The following PLB1 variants were observed in gnomAD, a reference collection of about 807,000 sequenced individuals.
The protein encoded by PLB1 is phospholipase B1, also known as phospholipase B1, membrane-associated.
In PLB1, 242 loss-of-function variants were observed where a neutral mutation model predicts 227.4. The ratio of observed to expected loss-of-function variants is 1.06; its 90% CI spans 0.96 to 1.18. The LOEUF (loss-of-function observed/expected upper bound fraction) is 1.18. PLB1 is among the 50% of genes most tolerant of loss of function. The probability of loss-of-function intolerance (pLI) is 0.00; values close to 1 mark genes in which losing one functional copy is unlikely to be tolerated. For synonymous variants in PLB1, 757 were observed against 682.2 expected (o/e 1.11, Z -1.71); for missense variants, 1,858 against 1,816.3 (o/e 1.02, Z -0.42).
chr2:28,640,257 T>G lies in PLB1; in HGVS notation c.4099-670T>G, dbSNP rs191989165. ...ATTCTTCTCAGTGCTGGCCACAGGT[T>G]GGGCCTGGCTGCTGGCTAAAAGGTG... On this transcript the variant is annotated intron_variant, in intron 56 of 57. Coordinates refer to ENST00000327757, the MANE Select transcript of PLB1 (RefSeq NM_153021.5). Among the ~76,000 whole-genome samples, 57 of 152,306 alleles carry G rather than the reference T, an allele frequency of 3.7e-4. No homozygotes were observed. In the East Asian group the frequency reaches 0.011, roughly 29 times the overall value.
rs146149996 is a variant in PLB1, at chr2:28,523,458, C to T, written c.244-1809C>T. On this transcript the variant is annotated intron_variant, in intron 4 of 57. Coordinates refer to ENST00000327757, the MANE Select transcript of PLB1 (RefSeq NM_153021.5). ...GCCTGTGTCTTACTTAGCTTTGCAG[C>T]CCCAGGGTCACAGTATCTGCCATAA... Among the ~76,000 whole-genome samples the T allele has an allele frequency of 7.0e-3, 1,066 of 151,614 alleles. 8 individuals are homozygous for T. The highest frequency in any genetic ancestry group is 0.017 in the Middle Eastern group (5 of 294).
At chr2:28,505,907 A>G (rs1240644764) in intron 1 of PLB1, among the ~76,000 whole-genome samples, 1 of 152,140 alleles carries the variant, frequency 6.6e-6, no homozygotes, top group Non-Finnish European at 1.5e-5. Flanking sequence ...CAATGCCTCC[A>G]TCCCCATCCC....
intron 49 of PLB1, among the ~76,000 whole-genome samples, chr2:28,623,806 A>G (rs1479455567): frequency 6.6e-6 from 1 of 152,250 alleles, no homozygotes; most frequent in Non-Finnish European, 1.5e-5. Flanking sequence ...TCACATGTTA[A>G]AAGGATATAA....
chr2:28,519,810 A>G, intron 4 of PLB1, 47 bp downstream of exon 4: 1 of 1,500,188 alleles, frequency 6.7e-7, no homozygotes, highest in Non-Finnish European at 9.3e-7. Context: ...TTTGGTACTG[A>G]TGATCCTCTG....
rs752037148 is a variant in PLB1, at chr2:28,566,818, G to C, written c.1303G>C (p.Gly435Arg). ...SWSVGGDENIGTVTTLANILR... is the reference protein window; with the variant it reads ...SWSVGGDENIRTVTTLANILR... ...CAGCGTCGGCGGAGATGAGAACATCGGCACCGTTACCACCCTGGCGAGTGA... is the reference window on the plus strand; with the variant it reads ...CAGCGTCGGCGGAGATGAGAACATCCGCACCGTTACCACCCTGGCGAGTGA... The change falls in exon 20 of 58, where the codon GGC becomes CGC. Residue 435 changes from glycine (G) to arginine (R), a missense_variant. Gly to Arg is a moderately radical substitution (Grantham distance 125, BLOSUM62 -2). Coordinates refer to ENST00000327757, the MANE Select transcript of PLB1 (RefSeq NM_153021.5). The C allele has an allele frequency of 4.3e-6, 7 of 1,614,088 alleles. No individual in the cohort carries two copies. Among genetic ancestry groups the C allele is most frequent in the Admixed American group, 1.7e-5 (1 of 60,014 alleles).
intron 9 of PLB1, among the ~76,000 whole-genome samples, chr2:28,537,076 G>T (rs1671786560): frequency 6.6e-6 from 1 of 152,206 alleles, no homozygotes; most frequent in Admixed American, 6.5e-5. Context: ...GCTCACTTAG[G>T]AGAAAACTAG....
At chr2:28,586,143 G>A (rs1022344252) in intron 26 of PLB1, among the ~76,000 whole-genome samples, 1 of 152,172 alleles carries the variant, frequency 6.6e-6, no homozygotes. Context: ...GTTTCAGAGT[G>A]GATCTATCCA....
At chr2:28,503,776 A>G (rs1667356420) in intron 1 of PLB1, among the ~76,000 whole-genome samples, 1 of 152,192 alleles carries the variant, frequency 6.6e-6, no homozygotes, top group Non-Finnish European at 1.5e-5. Flanking sequence ...TAGAAGCCAC[A>G]AAGCCTTCTA....
chr2:28,515,515 G>A (rs1023996305), intron 1 of PLB1, among the ~76,000 whole-genome samples: 14 of 152,266 alleles, frequency 9.2e-5, no homozygotes, highest in South Asian at 4.2e-4. Flanking sequence ...ATCTGGAGGC[G>A]GATTCCAGTC....
chr2:28,529,597 GCCCACCCT>G, intron 7 of PLB1, 123 bp from the exon 8 acceptor site: 1 of 1,031,338 alleles, frequency 9.7e-7, no homozygotes, highest in Non-Finnish European at 1.4e-6. Flanking sequence ...ACAGGTCAAT[GCCCACCCT>G]TCAGAAGCCA....
At chr2:28,622,239 CATAG>C (rs1687144424) in intron 49 of PLB1, among the ~76,000 whole-genome samples, 1 of 152,208 alleles carries the variant, frequency 6.6e-6, no homozygotes, top group African/African-American at 2.4e-5. Context: ...CACCTAATAT[CATAG>C]GGTGTGGGAT....
intron 15 of PLB1, among the ~76,000 whole-genome samples, 159 bp downstream of exon 15, chr2:28,549,090 G>A (rs1210408125): frequency 1.3e-5 from 2 of 152,246 alleles, no homozygotes; most frequent in Middle Eastern, 3.4e-3. Context: ...CAGCCCTAAT[G>A]TTTACAGTTG....
rs367557741 is a variant in PLB1 at position 28,593,758 on chromosome 2, A to G, written c.2321+4A>G. 4.3e-5 allele frequency: 69 copies of G among 1,612,996 alleles called. 1 individual carries two copies. Among genetic ancestry groups the G allele is most frequent in the Non-Finnish European group, 5.6e-5 (66 of 1,179,244 alleles). On this transcript the variant is annotated splice_donor_region_variant and intron_variant, in intron 33 of 57. Coordinates refer to ENST00000327757, the MANE Select transcript of PLB1 (RefSeq NM_153021.5). ...AGTATCGGGGACTGTCATACAGGTA[A>G]TGTTAACCTTTGACCTCTCCCAGCG...
rs746346325 is a variant in PLB1 at position 28,582,071 on chromosome 2, C to T, written c.1570C>T (p.His524Tyr). The T allele has an allele frequency of 1.2e-6, 2 of 1,613,236 alleles. No homozygotes were observed. The highest frequency in any genetic ancestry group is 1.1e-5 in the South Asian group (1 of 91,068). ...GGGACACTTCCTCTTCCTGCAGGTC[C>T]ACTATTCTCCCCAGAACTTCACAGA... ...DLCDFCNDLVHYSPQNFTDNI... is the reference protein window; with the variant it reads ...DLCDFCNDLVYYSPQNFTDNI... The change falls in exon 24 of 58, where the codon CAC (histidine) becomes TAC (tyrosine). Residue 524 changes from histidine (H) to tyrosine (Y), a missense_variant. By Grantham distance (83) the His-to-Tyr change is moderately conservative. Transcript: ENST00000327757.
intron 1 of PLB1, among the ~76,000 whole-genome samples, chr2:28,502,307 A>C: frequency 6.6e-6 from 1 of 152,176 alleles, no homozygotes; most frequent in East Asian, 1.9e-4. Flanking sequence ...ATATTTTCCT[A>C]TTCAGTTAGA....
At chr2:28,518,243 G>A (rs1162535093) in intron 2 of PLB1, among the ~76,000 whole-genome samples, 1 of 152,076 alleles carries the variant, frequency 6.6e-6, no homozygotes, top group Admixed American at 6.6e-5. Context: ...ACTGTTCTGA[G>A]GCATTCTTGC....
chr2:28,611,054 A>G (rs1573418456), intron 43 of PLB1, among the ~76,000 whole-genome samples: 1 of 152,090 alleles, frequency 6.6e-6, no homozygotes, highest in African/African-American at 2.4e-5. Flanking sequence ...AACAAGCCCA[A>G]TAAAACCCAA....
At chr2:28,540,146 C>G (rs1672278130) in intron 11 of PLB1, among the ~76,000 whole-genome samples, 1 of 150,858 alleles carries the variant, frequency 6.6e-6, no homozygotes, top group South Asian at 2.1e-4. Flanking sequence ...ATACCCACCC[C>G]CCAGGAACAG....
intron 25 of PLB1, among the ~76,000 whole-genome samples, chr2:28,583,816 TA>T (rs1419687870): frequency 6.6e-6 from 1 of 150,474 alleles, no homozygotes; most frequent in Non-Finnish European, 1.5e-5. Context: ...AGATGTGGCT[TA>T]AAACGATAGC....
Sources: gnomAD v4.1 joint callset for allele counts (sites outside exome capture counted in the v4.1 genomes callset) on GRCh38, gnomAD v4.1.1 for gene constraint, MANE v1.5 for transcripts, NCBI Gene and HGNC (gene_info 2026-07-23, HGNC 2026-07-21) for gene names.